The following COL4A2 variants were observed in gnomAD, a reference collection of about 807,000 sequenced individuals.
The protein encoded by COL4A2 is collagen type IV alpha 2 chain.
COL4A2 carries 99 observed loss-of-function variants against 200.2 expected under a neutral mutation model. That is an observed-to-expected ratio of 0.49 (90% CI 0.42 to 0.58). The LOEUF is 0.58. Ranked by LOEUF, COL4A2 falls within the 20% of genes least tolerant of loss-of-function variation. The pLI, the probability that COL4A2 is intolerant of heterozygous loss-of-function variation, is 0.00. For synonymous variants in COL4A2, 897 were observed against 900.6 expected, an observed-to-expected ratio of 1.00 and a Z score of 0.07; for missense variants, 1,950 against 2,314.1, an observed-to-expected ratio of 0.84 and a Z score of 3.23.
At chr13:110,462,410 T>C in intron 24 of COL4A2, 26 bp downstream of exon 24, 1 of 1,607,922 alleles carries the variant, frequency 6.2e-7, no homozygotes. Context: ...CTGCGGCAGC[T>C]CCGTCCTCTC....
chr13:110,448,927 C>T (rs1158189784), intron 18 of COL4A2, among the ~76,000 whole-genome samples: 1 of 152,196 alleles, frequency 6.6e-6, no homozygotes, highest in African/African-American at 2.4e-5. Flanking sequence ...AGGTTCAGGC[C>T]CAGGGCCTCT....
chr13:110,337,216 G>A (rs1159689132), intron 3 of COL4A2, among the ~76,000 whole-genome samples: 1 of 152,252 alleles, frequency 6.6e-6, no homozygotes, highest in Admixed American at 6.5e-5. Context: ...ATGGGGCATG[G>A]GCGCCGGAAG....
At chr13:110,439,931 C>T in intron 16 of COL4A2, 98 bp downstream of exon 16, 1 of 1,509,996 alleles carries the variant, frequency 6.6e-7, no homozygotes, top group Non-Finnish European at 8.9e-7. Context: ...AAAATTGTCT[C>T]CAGAAAAAAA....
chr13:110,448,942 G>A (rs1881429785), intron 18 of COL4A2, among the ~76,000 whole-genome samples: 1 of 152,340 alleles, frequency 6.6e-6, no homozygotes, highest in Non-Finnish European at 1.5e-5. Context: ...GCCTCTGGCT[G>A]CGGAGCGCAG....
chr13:110,412,553 CAG>C (rs1354563070), intron 4 of COL4A2, among the ~76,000 whole-genome samples: 2 of 152,238 alleles, frequency 1.3e-5, no homozygotes, highest in Admixed American at 6.5e-5. Context: ...GATTTTAAAA[CAG>C]AGACATTCAG....
chr13:110,487,875 A>G (rs576754160), intron 34 of COL4A2, among the ~76,000 whole-genome samples: 2 of 152,324 alleles, frequency 1.3e-5, no homozygotes, highest in South Asian at 4.1e-4. Context: ...GTTCAGATGC[A>G]TTGAGCTGTG....
intron 20 of COL4A2, among the ~76,000 whole-genome samples, chr13:110,454,958 C>T (rs1881668207): frequency 6.6e-6 from 1 of 152,172 alleles, no homozygotes; most frequent in Non-Finnish European, 1.5e-5. Flanking sequence ...CCTCACCCTC[C>T]TGCACAAACC....
chr13:110,430,439 A>G lies in COL4A2; in HGVS notation c.585+3A>G, dbSNP rs1426529181. 2 of 1,614,048 alleles carry G rather than the reference A, an allele frequency of 1.2e-6. No individual in the cohort carries two copies. The highest frequency in any genetic ancestry group is 1.3e-5 in the African/African-American group (1 of 74,910). Reference sequence around the variant, plus strand: ...AGCCTGGATTGGTCGGTTTCCAGGTAAGTTTATTTTTATTGGACGATATTC... The same window carrying G: ...AGCCTGGATTGGTCGGTTTCCAGGTGAGTTTATTTTTATTGGACGATATTC... On this transcript the variant is annotated splice_donor_region_variant and intron_variant, in intron 9 of 47. Transcript: ENST00000360467.
intron 4 of COL4A2, among the ~76,000 whole-genome samples, chr13:110,376,210 C>G (rs1878231052): frequency 6.6e-6 from 1 of 152,130 alleles, no homozygotes; most frequent in Admixed American, 6.5e-5. Flanking sequence ...TGTATCACTT[C>G]TGATCTGACT....
At chr13:110,331,461 C>T (rs1466382873) in intron 3 of COL4A2, among the ~76,000 whole-genome samples, 1 of 152,206 alleles carries the variant, frequency 6.6e-6, no homozygotes, top group Non-Finnish European at 1.5e-5. Flanking sequence ...GCCGTGGCTG[C>T]CTTGGCCCAT....
intron 30 of COL4A2, 74 bp from the exon 31 acceptor site, chr13:110,480,146 G>A: frequency 7.0e-7 from 1 of 1,433,932 alleles, no homozygotes; most frequent in Non-Finnish European, 9.4e-7. Context: ...AACACTCAAT[G>A]CCGTAAAAGC....
chr13:110,503,552 A>C, intron 43 of COL4A2, 71 bp downstream of exon 43: 1 of 932,126 alleles, frequency 1.1e-6, no homozygotes, highest in Non-Finnish European at 1.6e-6. Flanking sequence ...GACATCCTGG[A>C]GGTCAAACGG....
intron 3 of COL4A2, among the ~76,000 whole-genome samples, chr13:110,332,474 T>C (rs1191489814): frequency 6.6e-6 from 1 of 152,178 alleles, no homozygotes; most frequent in East Asian, 1.9e-4. Flanking sequence ...ACAAGTTCGT[T>C]CTCCTGTCGC....
At chr13:110,444,289 G>A (rs189468625) in intron 16 of COL4A2, among the ~76,000 whole-genome samples, 11 of 152,266 alleles carry the variant, frequency 7.2e-5, no homozygotes, top group East Asian at 3.9e-4. Context: ...TGTGATGCTC[G>A]TGGCCCAGAG....
At position 110,512,095 on chromosome 13, in the gene COL4A2, G is replaced by A; in HGVS notation, c.5043G>A (p.Glu1681=). ...GCTTCTGGCTGACCACCATTCCCGA[G>A]CAGAGCTTCCAGGGCTCGCCCTCCG... ...KYSFWLTTIP[E]QSFQGSPSAD... Residue 1681 remains glutamate, a synonymous_variant, in exon 48 of 48, where the codon GAG becomes GAA. Transcript: ENST00000360467. The A allele has an allele frequency of 6.2e-7, 1 of 1,613,716 alleles. No individual in the cohort carries two copies. The highest frequency in any genetic ancestry group is 8.5e-7 in the Non-Finnish European group (1 of 1,180,040).
rs1357110427 is a variant in COL4A2 at position 110,505,081 on chromosome 13, T to C, written c.4402+817T>C. ...AATTAAACATAGGGGCCGGGCGCGG[T>C]GGCTCACGCCTGTAATCCCAGCACT... On this transcript the variant is annotated intron_variant, in intron 45 of 47. Transcript: ENST00000360467. 8.6e-5 allele frequency among the ~76,000 whole-genome samples: 13 copies of C among 151,470 alleles called. No individual in the cohort carries two copies. In the East Asian group the frequency reaches 1.8e-3, roughly 21 times the overall value.
In COL4A2 at chr13:110,430,342, T is replaced by G; in HGVS notation, c.550-59T>G. 3.1e-6 allele frequency: 5 copies of G among 1,590,762 alleles called. No individual in the cohort carries two copies. In the South Asian group the frequency reaches 5.8e-5, roughly 18 times the overall value. ...TTATTTCCAACTCTGCAATAAAAGG[T>G]AAGTAAATCTAAAGATGGTTAAAAG... is the stretch of plus-strand genomic sequence containing the variant. On this transcript the variant is annotated intron_variant, in intron 8 of 47. Coordinates refer to ENST00000360467, the MANE Select transcript of COL4A2 (RefSeq NM_001846.4).
chr13:110,452,269 G>C (rs992953436), intron 20 of COL4A2, among the ~76,000 whole-genome samples: 4 of 152,310 alleles, frequency 2.6e-5, no homozygotes, highest in African/African-American at 7.2e-5. Flanking sequence ...GAGTAGCTGG[G>C]ACCCAGGCGC....
intron 4 of COL4A2, among the ~76,000 whole-genome samples, chr13:110,392,342 G>C (rs181479897): frequency 6.6e-6 from 1 of 152,182 alleles, no homozygotes. Context: ...AACGTAAATG[G>C]AGGAGGACTG....
Sources: gnomAD v4.1 joint callset for allele counts (sites outside exome capture counted in the v4.1 genomes callset) on GRCh38, gnomAD v4.1.1 for gene constraint, MANE v1.5 for transcripts, NCBI Gene and HGNC (gene_info 2026-07-23, HGNC 2026-07-21) for gene names.